The following SOX6 variants were observed in gnomAD, a reference collection of about 807,000 sequenced individuals.
SOX6 encodes SRY-box transcription factor 6, also known as transcription factor SOX-6.
A neutral mutation model predicts 97.8 loss-of-function variants in SOX6; 11 were observed. The ratio of observed to expected loss-of-function variants is 0.11; its 90% CI spans 0.07 to 0.19. SOX6 has a LOEUF of 0.19. SOX6 is among the 10% of genes least tolerant of loss of function. The pLI is 1.00. For missense variants in SOX6, 810 were observed against 1,039.5 expected (o/e 0.78, Z 3.04); for synonymous variants, 360 against 371.4 (o/e 0.97, Z 0.35).
At chr11:16,128,600 A>G (rs1488466844) in intron 6 of SOX6, among the ~76,000 whole-genome samples, 1 of 152,194 alleles carries the variant, frequency 6.6e-6, no homozygotes, top group Non-Finnish European at 1.5e-5. Context: ...TCAGGGACAG[A>G]AATGATTTAG....
At chr11:16,614,421 C>A (rs1848444130) in intron 3 of SOX6, among the ~76,000 whole-genome samples, 1 of 152,176 alleles carries the variant, frequency 6.6e-6, no homozygotes, top group Non-Finnish European at 1.5e-5. Context: ...CCGCCTGCTG[C>A]GAGAGCTGAA....
intron 4 of SOX6, among the ~76,000 whole-genome samples, chr11:16,583,599 ATG>A (rs1287304934): frequency 9.5e-6 from 1 of 104,896 alleles, no homozygotes; most frequent in Admixed American, 1.2e-4. Flanking sequence ...ATATGTATAT[ATG>A]TGTATATATA....
intron 6 of SOX6, among the ~76,000 whole-genome samples, chr11:16,164,023 G>A (rs1850822848): frequency 6.6e-6 from 1 of 152,178 alleles, no homozygotes; most frequent in African/African-American, 2.4e-5. Flanking sequence ...GTCTCGCTCT[G>A]TCACCCAGTT....
intron 2 of SOX6, among the ~76,000 whole-genome samples, chr11:16,727,540 G>A (rs1848316011): frequency 6.7e-6 from 1 of 150,362 alleles, no homozygotes; most frequent in African/African-American, 2.4e-5. Context: ...AGCAATTTTT[G>A]TACCTCAGCC....
At chr11:16,183,808 T>C in intron 6 of SOX6, 78 bp downstream of exon 6, 1 of 1,301,740 alleles carries the variant, frequency 7.7e-7, no homozygotes, top group Non-Finnish European at 1.1e-6. Flanking sequence ...CAGGGGTACA[T>C]CTGCAGAGTT....
chr11:16,215,592 C>A (rs6486281), intron 4 of SOX6, among the ~76,000 whole-genome samples: 2,713 of 152,080 alleles, frequency 0.018, 80 homozygotes, highest in African/African-American at 0.061. Context: ...TTCACTGTTG[C>A]GTTGTAGATC....
At chr11:16,238,274 C>T (rs1853084188) in intron 3 of SOX6, among the ~76,000 whole-genome samples, 1 of 151,804 alleles carries the variant, frequency 6.6e-6, no homozygotes, top group South Asian at 2.1e-4. Flanking sequence ...TTTCCCTTTT[C>T]AAATTAAAGC....
chr11:16,507,556 T>C (rs1860811315), intron 4 of SOX6, among the ~76,000 whole-genome samples: 1 of 152,168 alleles, frequency 6.6e-6, no homozygotes, highest in Non-Finnish European at 1.5e-5. Flanking sequence ...ATGGTATTGA[T>C]ATCAAAACAG....
At chr11:16,357,020 T>C (rs1431808189), upstream of SOX6, among the ~76,000 whole-genome samples, 1 of 152,108 alleles carries the variant, frequency 6.6e-6, no homozygotes, top group Non-Finnish European at 1.5e-5. Context: ...GCTAATTTTG[T>C]CAGAGACAGG....
chr11:16,133,688 G>A (rs1208458640), intron 6 of SOX6, among the ~76,000 whole-genome samples: 1 of 151,914 alleles, frequency 6.6e-6, no homozygotes, highest in East Asian at 1.9e-4. Context: ...GTTTTGTTTT[G>A]TTTTGTTTTG....
intron 9 of SOX6, among the ~76,000 whole-genome samples, chr11:16,058,122 CTTAT>C (rs1847864413): frequency 6.6e-6 from 1 of 151,740 alleles, no homozygotes; most frequent in Admixed American, 6.6e-5. Context: ...CTCTATTTTT[CTTAT>C]TTTTTCTTTT....
At chr11:16,024,444 C>A (rs766692174) in intron 12 of SOX6, among the ~76,000 whole-genome samples, 2 of 151,094 alleles carry the variant, frequency 1.3e-5, no homozygotes, top group Middle Eastern at 3.4e-3. Context: ...GCCTCACAAA[C>A]AATTATCTAG....
intron 3 of SOX6, among the ~76,000 whole-genome samples, chr11:16,291,686 T>C (rs1227793145): frequency 6.6e-6 from 1 of 152,124 alleles, no homozygotes; most frequent in Non-Finnish European, 1.5e-5. Context: ...GGTAAATTAA[T>C]GGCTAAAATA....
Position 16,337,029 on chromosome 11 carries a change from T to C in SOX6, c.237+3983A>G, listed in dbSNP as rs572025411. Among the ~76,000 whole-genome samples the C allele has an allele frequency of 9.2e-5, 14 of 152,292 alleles. No individual in the cohort carries two copies. In the South Asian group the frequency reaches 2.1e-3, roughly 23 times the overall value. ...ATCATTGTCTGAAATTGTCTCACTC[T>C]ATAAGACTTCTTTATTGTCTGCCAT... On this transcript the variant is annotated intron_variant, in intron 2 of 15. Transcript: ENST00000683767.
At chr11:16,370,334 TATC>T (rs1857468910) in intron 1 of SOX6, among the ~76,000 whole-genome samples, 1 of 152,154 alleles carries the variant, frequency 6.6e-6, no homozygotes, top group Non-Finnish European at 1.5e-5. Flanking sequence ...TTGAACAACT[TATC>T]ATGTTTTTTG....
At chr11:16,203,888 A>G (rs1320578065) in intron 4 of SOX6, among the ~76,000 whole-genome samples, 3 of 152,138 alleles carry the variant, frequency 2.0e-5, no homozygotes, top group African/African-American at 7.2e-5. Flanking sequence ...CAAGATAAAA[A>G]TACAAAGTAA....
chr11:16,497,319 G>T (rs1405971892), intron 4 of SOX6, among the ~76,000 whole-genome samples: 3 of 152,142 alleles, frequency 2.0e-5, no homozygotes, highest in Non-Finnish European at 2.9e-5. Flanking sequence ...CCATCTGTAT[G>T]TCACCATCGT....
rs527687080 is a variant in SOX6, at chr11:16,732,696, A to T, written n.353+3643T>A. Among the ~76,000 whole-genome samples the T allele has an allele frequency of 4.1e-4, 62 of 152,342 alleles. 1 individual carries two copies. The highest frequency in any genetic ancestry group is 2.9e-3 in the Admixed American group (45 of 15,300). Reference sequence around the variant, plus strand: ...GCACAGGCAAAGACTTAATGACTAAAACACCAAAAACAATGGCAACAAAAG... The same window carrying T: ...GCACAGGCAAAGACTTAATGACTAATACACCAAAAACAATGGCAACAAAAG... On this transcript the variant is annotated intron_variant and non_coding_transcript_variant, in intron 2 of 5. Transcript: ENST00000524520.
chr11:16,530,775 T>A (rs186034580), intron 4 of SOX6, among the ~76,000 whole-genome samples: 1 of 151,700 alleles, frequency 6.6e-6, no homozygotes, highest in East Asian at 1.9e-4. Flanking sequence ...TATAATCTAA[T>A]CTCCTAAGAC....
Sources: gnomAD v4.1 joint callset for allele counts (sites outside exome capture counted in the v4.1 genomes callset) on GRCh38, gnomAD v4.1.1 for gene constraint, MANE v1.5 for transcripts, NCBI Gene and HGNC (gene_info 2026-07-23, HGNC 2026-07-21) for gene names.